NAALADL2: variants seen among roughly 807,000 people sequenced by gnomAD.
NAALADL2 encodes the protein N-acetylated alpha-linked acidic dipeptidase like 2, also known as inactive N-acetylated-alpha-linked acidic dipeptidase-like protein 2.
A neutral mutation model predicts 87.2 loss-of-function variants in NAALADL2; 76 were observed. That is an observed-to-expected ratio of 0.87 (90% CI 0.72 to 1.05). NAALADL2 has a LOEUF of 1.05. Ranked by LOEUF, NAALADL2 falls within the 50% of genes least tolerant of loss-of-function variation. The pLI is 0.00. For synonymous variants in NAALADL2, 354 were observed against 331.0 expected, an observed-to-expected ratio of 1.07 and a Z score of -0.75; for missense variants, 1,089 against 945.8, an observed-to-expected ratio of 1.15 and a Z score of -1.99.
intron 1 of NAALADL2, among the ~76,000 whole-genome samples, chr3:174,882,540 C>CACACATATGCACATATGTGTATAT (rs1560318142): frequency 4.9e-5 from 7 of 143,626 alleles, no homozygotes; most frequent in African/African-American, 2.0e-4. Context: ...TATATGCATA[C>CACACATATGCACATATGTGTATAT]ACACATATGT....
chr3:175,112,168 A>G (rs2108501502), intron 2 of NAALADL2, among the ~76,000 whole-genome samples: 1 of 151,596 alleles, frequency 6.6e-6, no homozygotes, highest in African/African-American at 2.4e-5. Context: ...TCCATTGGTG[A>G]TTCCTCATTG....
chr3:174,802,242 G>T (rs894082285), intron 3 of NAALADL2, among the ~76,000 whole-genome samples: 1 of 151,956 alleles, frequency 6.6e-6, no homozygotes, highest in Non-Finnish European at 1.5e-5. Flanking sequence ...CATGATTTCT[G>T]ATTTCATGAA....
chr3:174,709,578 T>C lies in NAALADL2; in HGVS notation c.-114-28063T>C, dbSNP rs117739588. Among the ~76,000 whole-genome samples, 466 of 152,246 alleles carry C rather than the reference T, an allele frequency of 3.1e-3. 14 individuals are homozygous for C. The East Asian group carries it at 0.073, about 24-fold the overall frequency. On this transcript the variant is annotated intron_variant, in intron 2 of 3. Transcript: ENST00000434257. ...ATCTATGGAAATAATACAGAACATA[T>C]AGAAGAGTGGCTAGGCTTTAGTTTC...
At chr3:175,099,577 C>T (rs547926678) in intron 2 of NAALADL2, among the ~76,000 whole-genome samples, 1 of 152,296 alleles carries the variant, frequency 6.6e-6, no homozygotes, top group Admixed American at 6.5e-5. Flanking sequence ...ACTGAGCCAT[C>T]TCAGCCTTAA....
chr3:175,084,520 T>C (rs548446669), intron 1 of NAALADL2, among the ~76,000 whole-genome samples: 7 of 152,170 alleles, frequency 4.6e-5, no homozygotes, highest in Non-Finnish European at 8.8e-5. Context: ...AAGTTATTCA[T>C]GCCTTAATTA....
chr3:174,602,869 A>T (rs1170111251), intron 2 of NAALADL2, among the ~76,000 whole-genome samples: 1 of 152,062 alleles, frequency 6.6e-6, no homozygotes, highest in Non-Finnish European at 1.5e-5. Context: ...ATTTTTCTGT[A>T]TCAATTGAAA....
intron 11 of NAALADL2, among the ~76,000 whole-genome samples, chr3:175,732,272 G>A (rs1043118998): frequency 6.6e-6 from 1 of 152,140 alleles, no homozygotes; most frequent in East Asian, 1.9e-4. Context: ...TGATGGGGGG[G>A]ATGCATAGGA....
chr3:175,126,156 TG>T (rs887347942), intron 2 of NAALADL2, among the ~76,000 whole-genome samples: 1 of 151,980 alleles, frequency 6.6e-6, no homozygotes, highest in Non-Finnish European at 1.5e-5. Context: ...GAATAGTTTC[TG>T]GGGGGTAGGA....
At chr3:175,732,522 CA>C in intron 11 of NAALADL2, among the ~76,000 whole-genome samples, 1 of 152,258 alleles carries the variant, frequency 6.6e-6, no homozygotes, top group South Asian at 2.1e-4. Context: ...CCCTCACTGA[CA>C]AACAATGAGA....
At chr3:174,604,064 A>G (rs1227899222) in intron 2 of NAALADL2, among the ~76,000 whole-genome samples, 1 of 152,148 alleles carries the variant, frequency 6.6e-6, no homozygotes, top group Non-Finnish European at 1.5e-5. Flanking sequence ...TTCTATAAAT[A>G]TATATTAGGT....
chr3:175,212,994 G>A (rs923988981), intron 2 of NAALADL2, among the ~76,000 whole-genome samples: 8 of 152,122 alleles, frequency 5.3e-5, no homozygotes, highest in Non-Finnish European at 1.2e-4. Context: ...AGCCTCAGGT[G>A]ATACACAGGA....
intron 3 of NAALADL2, among the ~76,000 whole-genome samples, chr3:174,846,080 A>C (rs1329081219): frequency 6.6e-6 from 1 of 151,742 alleles, no homozygotes; most frequent in East Asian, 1.9e-4. Flanking sequence ...GGACTGGGGG[A>C]CCCTCCTGTA....
intron 9 of NAALADL2, among the ~76,000 whole-genome samples, chr3:175,513,519 A>G (rs1469182406): frequency 6.6e-6 from 1 of 152,216 alleles, no homozygotes; most frequent in African/African-American, 2.4e-5. Flanking sequence ...AATTCTGTTC[A>G]TGATAGGCAA....
intron 2 of NAALADL2, among the ~76,000 whole-genome samples, chr3:175,110,443 C>T (rs996304204): frequency 6.6e-6 from 1 of 151,668 alleles, no homozygotes; most frequent in Non-Finnish European, 1.5e-5. Flanking sequence ...AATTTCAGCC[C>T]TTCGTATGTA....
intron 12 of NAALADL2, among the ~76,000 whole-genome samples, chr3:175,745,006 T>C (rs369799129): frequency 5.9e-5 from 9 of 152,312 alleles, no homozygotes; most frequent in African/African-American, 2.2e-4. Flanking sequence ...TGTTTCTCCT[T>C]ACTGCAAACA....
chr3:175,583,820 TA>T (rs1462546457), intron 10 of NAALADL2, among the ~76,000 whole-genome samples: 4 of 152,234 alleles, frequency 2.6e-5, no homozygotes, highest in Non-Finnish European at 5.9e-5. Context: ...AACTAGCTTC[TA>T]ATTAATTAAC....
At chr3:175,298,431 A>C (rs1756642950) in intron 4 of NAALADL2, among the ~76,000 whole-genome samples, 1 of 152,176 alleles carries the variant, frequency 6.6e-6, no homozygotes, top group Non-Finnish European at 1.5e-5. Context: ...AAATCAACAG[A>C]CTTCTAAAAA....
chr3:174,552,795 C>CAAAAAAAAAA (rs1164243901), intron 2 of NAALADL2, among the ~76,000 whole-genome samples: 3 of 55,996 alleles, frequency 5.4e-5, no homozygotes, highest in African/African-American at 1.7e-4. Flanking sequence ...GACCCTGCCT[C>CAAAAAAAAAA]AAAAAAAAAA....
At chr3:175,125,026 A>G (rs1178809967) in intron 2 of NAALADL2, among the ~76,000 whole-genome samples, 1 of 151,954 alleles carries the variant, frequency 6.6e-6, no homozygotes, top group Admixed American at 6.6e-5. Flanking sequence ...GATCGTATAG[A>G]GTAACACTTT....
Sources: allele counts gnomAD v4.1 joint callset (sites outside exome capture counted in the v4.1 genomes callset), GRCh38; gene constraint gnomAD v4.1.1; transcripts MANE v1.5; gene names NCBI Gene and HGNC (gene_info 2026-07-23, HGNC 2026-07-21).